KCNN2: variants seen among roughly 807,000 people sequenced by gnomAD.
KCNN2 encodes the protein small conductance calcium-activated potassium channel protein 2.
A neutral mutation model predicts 55.5 loss-of-function variants in KCNN2; 24 were observed. That is an observed-to-expected ratio of 0.43 (90% CI 0.31 to 0.61). The LOEUF (loss-of-function observed/expected upper bound fraction) is 0.61. KCNN2 is among the 20% of genes least tolerant of loss of function. The pLI, the probability that KCNN2 is intolerant of heterozygous loss-of-function variation, is 0.08. For synonymous variants in KCNN2, 431 were observed against 336.1 expected (o/e 1.28, Z -3.09); for missense variants, 754 against 853.6 (o/e 0.88, Z 1.45).
chr5:114,374,525 G>C (rs1479995779), intron 2 of KCNN2, among the ~76,000 whole-genome samples: 3 of 152,162 alleles, frequency 2.0e-5, no homozygotes, highest in African/African-American at 7.2e-5. Context: ...TGGTCTGAAA[G>C]AACTGGGAAG....
chr5:114,214,205 G>T (rs1464437971), intron 1 of KCNN2, among the ~76,000 whole-genome samples: 1 of 151,884 alleles, frequency 6.6e-6, no homozygotes, highest in Non-Finnish European at 1.5e-5. Flanking sequence ...ATGCCATACA[G>T]TCTCTGTTGA....
intron 2 of KCNN2, among the ~76,000 whole-genome samples, chr5:114,281,251 C>G (rs1561553330): frequency 6.6e-6 from 1 of 152,060 alleles, no homozygotes; most frequent in Non-Finnish European, 1.5e-5. Flanking sequence ...TTGTATTTTG[C>G]AGGTTTCTTT....
chr5:114,171,231 C>T (rs1438695338), intron 1 of KCNN2, among the ~76,000 whole-genome samples: 1 of 151,936 alleles, frequency 6.6e-6, no homozygotes, highest in Non-Finnish European at 1.5e-5. Context: ...TTGTCTTCAA[C>T]TTGGAGGCCA....
chr5:114,245,710 A>C (rs1046495561), intron 2 of KCNN2, among the ~76,000 whole-genome samples: 24 of 152,190 alleles, frequency 1.6e-4, no homozygotes, highest in Admixed American at 1.2e-3. Context: ...CAAAACAAAA[A>C]AACATAGAGC....
At chr5:114,378,569 C>G (rs1758011958) in intron 2 of KCNN2, among the ~76,000 whole-genome samples, 1 of 152,142 alleles carries the variant, frequency 6.6e-6, no homozygotes, top group African/African-American at 2.4e-5. Context: ...GTTTGTACCC[C>G]TGGGATTGAT....
intron 2 of KCNN2, among the ~76,000 whole-genome samples, chr5:114,243,881 C>A (rs1754695342): frequency 1.3e-5 from 2 of 152,160 alleles, no homozygotes; most frequent in African/African-American, 4.8e-5. Context: ...GAGCAATCTT[C>A]CATCCAGAGT....
At chr5:114,314,750 A>G (rs1322823492) in intron 2 of KCNN2, among the ~76,000 whole-genome samples, 1 of 152,130 alleles carries the variant, frequency 6.6e-6, no homozygotes, top group Non-Finnish European at 1.5e-5. Context: ...TTGTTTAGAG[A>G]TAACCCAGGC....
intron 3 of KCNN2, among the ~76,000 whole-genome samples, chr5:114,435,343 G>A (rs1483174135): frequency 2.0e-5 from 3 of 152,084 alleles, no homozygotes; most frequent in Non-Finnish European, 4.4e-5. Flanking sequence ...GGTTTGTCTT[G>A]TGACCTTAAT....
chr5:114,120,111 T>G (rs955809051), intron 1 of KCNN2, among the ~76,000 whole-genome samples: 8 of 152,218 alleles, frequency 5.3e-5, no homozygotes, highest in African/African-American at 1.7e-4. Flanking sequence ...TTGATTTTTT[T>G]AAAAGAATAA....
chr5:114,311,883 CTAT>C (rs1349150189), intron 2 of KCNN2, among the ~76,000 whole-genome samples: 2 of 152,132 alleles, frequency 1.3e-5, no homozygotes, highest in African/African-American at 4.8e-5. Context: ...AAAACTCATG[CTAT>C]CTCATGTGGC....
chr5:114,483,272 T>A (rs1466148384), intron 5 of KCNN2, among the ~76,000 whole-genome samples: 1 of 90,906 alleles, frequency 1.1e-5, no homozygotes, highest in Non-Finnish European at 2.0e-5. Context: ...TTTCTTTCTT[T>A]CTTTTTTTTT....
At chr5:114,464,392 G>T (rs1761345615) in intron 4 of KCNN2, among the ~76,000 whole-genome samples, 1 of 152,178 alleles carries the variant, frequency 6.6e-6, no homozygotes, top group Admixed American at 6.5e-5. Context: ...AGTACTGCAG[G>T]TTCCAAATTG....
chr5:114,438,382 A>G (rs1382054525), intron 3 of KCNN2, among the ~76,000 whole-genome samples: 5 of 152,190 alleles, frequency 3.3e-5, no homozygotes, highest in African/African-American at 4.8e-5. Context: ...TGGGAGGATT[A>G]TGATAGGGGA....
intron 3 of KCNN2, among the ~76,000 whole-genome samples, chr5:114,416,480 G>A (rs1759309147): frequency 2.0e-5 from 3 of 152,160 alleles, no homozygotes; most frequent in Admixed American, 1.3e-4. Context: ...TGGGCTGCTT[G>A]ACCAAATGAT....
chr5:114,411,599 T>C (rs897354980), intron 3 of KCNN2, among the ~76,000 whole-genome samples: 1 of 152,108 alleles, frequency 6.6e-6, no homozygotes, highest in Non-Finnish European at 1.5e-5. Flanking sequence ...CCTGAAGTTC[T>C]GAGGCACAGG....
At position 114,248,845 on chromosome 5, in the gene KCNN2, G is replaced by T. The variant is rs932607176; in HGVS notation, c.-185+27280G>T. Among the ~76,000 whole-genome samples, 3 of 152,246 alleles carry T rather than the reference G, an allele frequency of 2.0e-5. No homozygotes were observed. In the East Asian group the frequency reaches 5.8e-4, roughly 29 times the overall value. On this transcript the variant is annotated intron_variant, in intron 2 of 10. Transcript: ENST00000512097. Reference sequence around the variant, plus strand: ...CCTATTAATCCATAAGTTATAGAGAGCTGTGAAGAAGAGGGTCACAGCATA... The same window carrying T: ...CCTATTAATCCATAAGTTATAGAGATCTGTGAAGAAGAGGGTCACAGCATA...
At chr5:114,292,106 A>G (rs994700647) in intron 2 of KCNN2, among the ~76,000 whole-genome samples, 2 of 152,110 alleles carry the variant, frequency 1.3e-5, no homozygotes, top group Non-Finnish European at 2.9e-5. Flanking sequence ...TTGTCAGATG[A>G]GTAGATTGCA....
At chr5:114,381,692 A>T (rs190705808) in intron 2 of KCNN2, among the ~76,000 whole-genome samples, 1 of 152,306 alleles carries the variant, frequency 6.6e-6, no homozygotes, top group African/African-American at 2.4e-5. Flanking sequence ...CCTTCTCATT[A>T]TTTCAGACGT....
chr5:114,429,056 AAGTTT>A (rs1384707666), intron 3 of KCNN2, among the ~76,000 whole-genome samples: 2 of 152,184 alleles, frequency 1.3e-5, no homozygotes, highest in African/African-American at 2.4e-5. Flanking sequence ...GAGTGGACAT[AAGTTT>A]TCAAGTCATT....
Sources: gnomAD v4.1 joint callset for allele counts (sites outside exome capture counted in the v4.1 genomes callset) on GRCh38, gnomAD v4.1.1 for gene constraint, MANE v1.5 for transcripts, NCBI Gene and HGNC (gene_info 2026-07-23, HGNC 2026-07-21) for gene names.